METTL15: variants seen among roughly 807,000 people sequenced by gnomAD.
The protein encoded by METTL15 is methyltransferase 15, mitochondrial 12S rRNA N4-cytidine.
A neutral mutation model predicts 38.3 loss-of-function variants in METTL15; 34 were observed. That is an observed-to-expected ratio of 0.89 (90% CI 0.68 to 1.18). METTL15 has a LOEUF of 1.18. METTL15 is among the 50% of genes most tolerant of loss of function. The pLI, the probability that METTL15 is intolerant of heterozygous loss-of-function variation, is 0.00. For missense variants in METTL15, 438 were observed against 498.4 expected (o/e 0.88, Z 1.15); for synonymous variants, 162 against 170.9 (o/e 0.95, Z 0.41).
intron 6 of METTL15, among the ~76,000 whole-genome samples, chr11:28,506,113 T>G (rs1043611729): frequency 1.3e-5 from 2 of 152,170 alleles, no homozygotes; most frequent in Non-Finnish European, 2.9e-5. Flanking sequence ...TTTAATAGAT[T>G]AATGGAATAA....
At chr11:28,247,270 GA>G (rs781717765) in intron 4 of METTL15, among the ~76,000 whole-genome samples, 2 of 152,028 alleles carry the variant, frequency 1.3e-5, no homozygotes, top group Non-Finnish European at 2.9e-5. Flanking sequence ...AATTATTAAT[GA>G]GACATAAATT....
At position 28,113,341 on chromosome 11, in the gene METTL15, C is replaced by T. The variant is rs757256132; in HGVS notation, c.7C>T (p.Arg3Trp). ...AGATTTGTTTACCTACAAAATGCTT[C>T]GGTATCCATATTTTTGTAGAATGTA... ML[R>W]YPYFCRMYKE... The change falls in exon 3 of 7, where the codon CGG (arginine) becomes TGG (tryptophan). Residue 3 changes from arginine to tryptophan, a missense_variant. By Grantham distance (101) the Arg-to-Trp change is moderately radical. Coordinates refer to ENST00000407364, the MANE Select transcript of METTL15 (RefSeq NM_001113528.2). 1.5e-5 allele frequency: 23 copies of T among 1,542,354 alleles called. No individual in the cohort carries two copies. The highest frequency in any genetic ancestry group is 1.1e-4 in the East Asian group (5 of 43,872).
chr11:28,296,722 C>T (rs1423523418), intron 5 of METTL15, 31 bp from the exon 6 acceptor site: 5 of 1,608,804 alleles, frequency 3.1e-6, no homozygotes, highest in Non-Finnish European at 4.2e-6. Flanking sequence ...GAACTGATGT[C>T]AGTGAACTAA....
chr11:28,377,890 T>C (rs1207905929), intron 5 of METTL15, among the ~76,000 whole-genome samples: 1 of 152,080 alleles, frequency 6.6e-6, no homozygotes, highest in Non-Finnish European at 1.5e-5. Flanking sequence ...GACCCTCAGC[T>C]GCAGGTCTGT....
At chr11:28,499,612 T>C (rs1247829972) in intron 6 of METTL15, among the ~76,000 whole-genome samples, 2 of 152,180 alleles carry the variant, frequency 1.3e-5, no homozygotes, top group Non-Finnish European at 2.9e-5. Flanking sequence ...TCCCAACTTA[T>C]TGGTACTTAA....
At chr11:28,370,541 C>A (rs962212853) in intron 5 of METTL15, among the ~76,000 whole-genome samples, 1 of 151,758 alleles carries the variant, frequency 6.6e-6, no homozygotes, top group East Asian at 1.9e-4. Context: ...CTTTTTGATA[C>A]ATTGATTTCT....
chr11:28,121,708 T>G (rs1325790444), intron 3 of METTL15, among the ~76,000 whole-genome samples: 1 of 152,134 alleles, frequency 6.6e-6, no homozygotes, highest in Admixed American at 6.6e-5. Flanking sequence ...TATTGTTGCT[T>G]TATTTTACTG....
intron 3 of METTL15, among the ~76,000 whole-genome samples, chr11:28,118,604 C>T (rs988903189): frequency 4.6e-5 from 7 of 152,020 alleles, no homozygotes; most frequent in Non-Finnish European, 1.0e-4. Flanking sequence ...TAGCTAAATT[C>T]TGCTTAGTTT....
At chr11:28,136,759 G>GC (rs1239451232) in intron 3 of METTL15, among the ~76,000 whole-genome samples, 1 of 151,976 alleles carries the variant, frequency 6.6e-6, no homozygotes, top group East Asian at 1.9e-4. Context: ...GCATCCAAAA[G>GC]CTAGGGGTCA....
chr11:28,443,348 C>T (rs1851050508), intron 6 of METTL15, among the ~76,000 whole-genome samples: 1 of 152,138 alleles, frequency 6.6e-6, no homozygotes. Context: ...TGAGTTCTCC[C>T]TATCTTTCCA....
intron 5 of METTL15, among the ~76,000 whole-genome samples, chr11:28,385,783 A>T (rs547679462): frequency 1.3e-5 from 2 of 152,164 alleles, no homozygotes; most frequent in South Asian, 4.1e-4. Context: ...TCTTTGCATT[A>T]CATGTTTGTT....
intron 5 of METTL15, among the ~76,000 whole-genome samples, chr11:28,363,569 G>T (rs893536981): frequency 3.0e-4 from 45 of 152,238 alleles, no homozygotes; most frequent in Middle Eastern, 3.4e-3. Flanking sequence ...TAAGTACTTC[G>T]TAGATTGTGG....
chr11:28,529,404 T>C (rs933610335), downstream of METTL15, among the ~76,000 whole-genome samples: 2 of 152,022 alleles, frequency 1.3e-5, no homozygotes, highest in African/African-American at 4.8e-5. Flanking sequence ...ACAAAGGATG[T>C]AACTTTATGA....
chr11:28,313,887 T>A (rs187510517), intron 6 of METTL15, among the ~76,000 whole-genome samples: 9 of 152,250 alleles, frequency 5.9e-5, no homozygotes, highest in Admixed American at 3.3e-4. Context: ...AGTCTCAAAG[T>A]GAGATTAATA....
intron 6 of METTL15, among the ~76,000 whole-genome samples, chr11:28,501,747 C>T (rs1851584537): frequency 1.3e-5 from 2 of 152,072 alleles, no homozygotes; most frequent in Admixed American, 6.6e-5. Context: ...GGGAGCAATC[C>T]GTATCACCCA....
At chr11:28,366,083 C>T (rs576347939) in intron 5 of METTL15, among the ~76,000 whole-genome samples, 2 of 152,038 alleles carry the variant, frequency 1.3e-5, no homozygotes, top group African/African-American at 4.8e-5. Flanking sequence ...AAGTAAAGAT[C>T]CCATTGTCAG....
chr11:28,269,755 G>A (rs977491858), intron 4 of METTL15, among the ~76,000 whole-genome samples: 1 of 152,148 alleles, frequency 6.6e-6, no homozygotes, highest in African/African-American at 2.4e-5. Context: ...AGCTTTGACT[G>A]TTTTTCCCCT....
At chr11:28,426,341 T>C (rs570147263) in intron 6 of METTL15, among the ~76,000 whole-genome samples, 1 of 152,334 alleles carries the variant, frequency 6.6e-6, no homozygotes, top group African/African-American at 2.4e-5. Flanking sequence ...CAGTCTATCA[T>C]TGATGGGTGT....
At chr11:28,390,710 G>T (rs997089345) in intron 5 of METTL15, among the ~76,000 whole-genome samples, 2 of 151,032 alleles carry the variant, frequency 1.3e-5, no homozygotes, top group South Asian at 2.1e-4. Flanking sequence ...TTGGCAATGC[G>T]GACTCTTTTT....
Sources: allele counts gnomAD v4.1 joint callset (sites outside exome capture counted in the v4.1 genomes callset), GRCh38; gene constraint gnomAD v4.1.1; transcripts MANE v1.5; gene names NCBI Gene and HGNC (gene_info 2026-07-23, HGNC 2026-07-21).